NOX4: variants seen among roughly 807,000 people sequenced by gnomAD.
The protein encoded by NOX4 is NADPH oxidase 4, also known as kidney oxidase-1.
In NOX4, 69 loss-of-function variants were observed where a neutral mutation model predicts 87.6. That is an observed-to-expected ratio of 0.79 (90% CI 0.65 to 0.96). NOX4 has a LOEUF of 0.96. NOX4 is among the 40% of genes least tolerant of loss of function. The probability of loss-of-function intolerance (pLI) is 0.00; values close to 1 mark genes in which losing one functional copy is unlikely to be tolerated. For synonymous variants in NOX4, 275 were observed against 238.2 expected (o/e 1.15, Z -1.42); for missense variants, 680 against 681.5 (o/e 1.00, Z 0.02).
the NOX4 span, among the ~76,000 whole-genome samples, chr11:89,552,903 A>G: frequency 1.3e-5 from 2 of 152,288 alleles, no homozygotes; most frequent in South Asian, 2.1e-4. Context: ...TATTATTCCA[A>G]TACCAGTTAG....
At chr11:89,578,298 A>C in the NOX4 span, among the ~76,000 whole-genome samples, 1 of 151,542 alleles carries the variant, frequency 6.6e-6, no homozygotes, top group Non-Finnish European at 1.5e-5. Flanking sequence ...AGTAGCCGGG[A>C]CTACAGGTGC....
Position 89,463,909 on chromosome 11 carries a change from G to C in NOX4, c.154-12014C>G, listed in dbSNP as rs147444870. On this transcript the variant is annotated intron_variant, in intron 2 of 17. Transcript: ENST00000263317. ...GTTTATATAGGCTTCCAGAGAAATA[G>C]AATAATTATCTCTTTTGATCTGGCA... 2.5e-4 allele frequency among the ~76,000 whole-genome samples: 38 copies of C among 152,012 alleles called. No homozygotes were observed. In the East Asian group the frequency reaches 7.3e-3, roughly 29 times the overall value.
At chr11:89,560,996 C>CTCTCTCTATATATA in the NOX4 span, among the ~76,000 whole-genome samples, 6 of 40,822 alleles carry the variant, frequency 1.5e-4, no homozygotes, top group African/African-American at 6.6e-4. Context: ...CTCTCTCTCT[C>CTCTCTCTATATATA]TATATATATA....
the NOX4 span, among the ~76,000 whole-genome samples, chr11:89,547,250 A>G: frequency 6.6e-6 from 1 of 152,116 alleles, no homozygotes; most frequent in Non-Finnish European, 1.5e-5. Flanking sequence ...GACAATTGAT[A>G]CCATTAATTT....
chr11:89,325,115 CTTTTTTTTTTTTTT>C lies in NOX4; in HGVS notation c.*1627_*1640del, dbSNP rs141198784. 3 of 76,328 alleles carry C rather than the reference CTTTTTTTTTTTTTT, an allele frequency of 3.9e-5. No individual in the cohort carries two copies. The highest frequency in any genetic ancestry group is 5.6e-5 in the African/African-American group (1 of 17,730). The allele number at this position is 76,328 out of a possible 1,614,324, so 4.7% of individuals were successfully genotyped here. ...ACTAAACTGTATGAATGCTTTAATT[CTTTTTTTTTTTTTT>C]TTTTTTTTTTTTTGAGATGGAATCT... On this transcript the variant is annotated 3_prime_UTR_variant, in exon 18 of 18. Coordinates refer to ENST00000263317, the MANE Select transcript of NOX4 (RefSeq NM_016931.5).
the NOX4 span, among the ~76,000 whole-genome samples, chr11:89,560,894 C>T: frequency 6.8e-6 from 1 of 147,544 alleles, no homozygotes; most frequent in South Asian, 2.2e-4. Flanking sequence ...ATCAGCATTT[C>T]AGTGTTTTCA....
Position 89,325,923 on chromosome 11 carries a change from G to GTGTATATACATATATATATCCA in NOX4, c.*832_*833insTGGATATATATATGTATATACA, listed in dbSNP as rs1945205755. ...TATATATATATATGTGTGTGTGTGT[G>GTGTATATACATATATATATCCA]TATATATATATGTGTATATACATAT... On this transcript the variant is annotated 3_prime_UTR_variant, in exon 18 of 18. Transcript: ENST00000263317. 1 of 136,166 alleles carries GTGTATATACATATATATATCCA rather than the reference G, an allele frequency of 7.3e-6. No homozygotes were observed. The highest frequency in any genetic ancestry group is 1.6e-5 in the Non-Finnish European group (1 of 61,414). 8.4% of individuals were successfully genotyped at this position (136,166 alleles called of 1,614,324 possible).
the NOX4 span, chr11:89,533,690 G>A: frequency 1.3e-5 from 2 of 152,212 alleles, no homozygotes; most frequent in East Asian, 1.9e-4. Flanking sequence ...TAGATCCCAA[G>A]AACTAGAGCC....
intron 12 of NOX4, among the ~76,000 whole-genome samples, chr11:89,369,462 T>A (rs1939275622): frequency 6.6e-6 from 1 of 152,110 alleles, no homozygotes; most frequent in African/African-American, 2.4e-5. Context: ...CAATGCTGTA[T>A]CTCCAGTGAC....
chr11:89,568,507 T>G, the NOX4 span, among the ~76,000 whole-genome samples: 1 of 152,144 alleles, frequency 6.6e-6, no homozygotes, highest in Non-Finnish European at 1.5e-5. Flanking sequence ...ATAAGAATTA[T>G]GAAACACTAT....
At chr11:89,564,754 G>GT in the NOX4 span, among the ~76,000 whole-genome samples, 9,069 of 148,398 alleles carry the variant, frequency 0.061, 852 homozygotes, top group African/African-American at 0.21. Flanking sequence ...TTTGTTTTTT[G>GT]TTTTTTTTTT....
Position 89,490,452 on chromosome 11 carries a change from A to T in NOX4, c.153+6T>A. On this transcript the variant is annotated splice_donor_region_variant and intron_variant, in intron 2 of 17. Coordinates refer to ENST00000263317, the MANE Select transcript of NOX4 (RefSeq NM_016931.5). ...CCACCAGATTATCCAAGTTCACCTT[A>T]CTTACCCCCAACATCTGGTGGAGGT... 1.9e-6 allele frequency: 3 copies of T among 1,591,408 alleles called. No individual in the cohort carries two copies. Among genetic ancestry groups the T allele is most frequent in the Non-Finnish European group, 2.6e-6 (3 of 1,159,256 alleles).
chr11:89,446,544 GATGA>G (rs1944719265), intron 4 of NOX4, among the ~76,000 whole-genome samples: 3 of 151,678 alleles, frequency 2.0e-5, no homozygotes, highest in African/African-American at 7.2e-5. Context: ...ACTATAAAAA[GATGA>G]ACTCTCAAGC....
chr11:89,425,478 A>C (rs916942302), intron 7 of NOX4, among the ~76,000 whole-genome samples: 1 of 151,854 alleles, frequency 6.6e-6, no homozygotes, highest in African/African-American at 2.4e-5. Flanking sequence ...AAAATAATGT[A>C]TAAAAACCTA....
rs1390787677 is a variant in NOX4 at position 89,354,106 on chromosome 11, C to T, written c.1217+856G>A. 2.0e-5 allele frequency among the ~76,000 whole-genome samples: 3 copies of T among 152,170 alleles called. 1 individual carries two copies. The highest frequency in any genetic ancestry group is 4.4e-5 in the Non-Finnish European group (3 of 68,018). On this transcript the variant is annotated intron_variant, in intron 13 of 17. Transcript: ENST00000263317. ...CAAAGTTTATGAATACTTGAAAAAA[C>T]TCTCAAAGCGATGAAAGAATTTGGC...
the NOX4 span, among the ~76,000 whole-genome samples, chr11:89,523,963 CAG>C: frequency 6.6e-6 from 1 of 152,016 alleles, no homozygotes; most frequent in Non-Finnish European, 1.5e-5. Flanking sequence ...CAAAACAAAA[CAG>C]ATCAGCAGCT....
At position 89,414,599 on chromosome 11, in the gene NOX4, G is replaced by C. The variant is rs1942660200; in HGVS notation, c.629+7303C>G. Among the ~76,000 whole-genome samples the C allele has an allele frequency of 2.1e-5, 3 of 141,312 alleles. No individual in the cohort carries two copies. In the Admixed American group the frequency reaches 2.2e-4, roughly 10 times the overall value. The allele number at this position is 141,312 out of a possible 152,430, so 92.7% of individuals were successfully genotyped here. A position where few individuals can be genotyped will look rare whatever the true frequency, so the allele number is the denominator to read the frequency against. Reference sequence around the variant, plus strand: ...AGGTTACATGGAAGAATTCTGGCAAGTAAAGTATCACATTTTTTTTATTTT... The same window carrying C: ...AGGTTACATGGAAGAATTCTGGCAACTAAAGTATCACATTTTTTTTATTTT... On this transcript the variant is annotated intron_variant, in intron 8 of 17. Transcript: ENST00000263317.
intron 12 of NOX4, among the ~76,000 whole-genome samples, chr11:89,364,119 C>T (rs1196272691): frequency 6.6e-6 from 1 of 152,000 alleles, no homozygotes; most frequent in Non-Finnish European, 1.5e-5. Flanking sequence ...TGGTGGTATA[C>T]ACCTGTAGTC....
At chr11:89,581,229 A>G in the NOX4 span, among the ~76,000 whole-genome samples, 3 of 152,166 alleles carry the variant, frequency 2.0e-5, no homozygotes, top group Non-Finnish European at 2.9e-5. Flanking sequence ...ATGGGGAGAT[A>G]TTAAAACGAT....
Sources: allele counts gnomAD v4.1 joint callset (sites outside exome capture counted in the v4.1 genomes callset), GRCh38; gene constraint gnomAD v4.1.1; transcripts MANE v1.5; gene names NCBI Gene and HGNC (gene_info 2026-07-23, HGNC 2026-07-21).